The following METTL15 variants were observed in gnomAD, a reference collection of about 807,000 sequenced individuals.
METTL15 encodes methyltransferase 15, mitochondrial 12S rRNA N4-cytidine, also known as 12S rRNA N(4)-cytidine methyltransferase METTL15.
In METTL15, 34 loss-of-function variants were observed where a neutral mutation model predicts 38.3. The ratio of observed to expected loss-of-function variants is 0.89; its 90% CI spans 0.68 to 1.18. METTL15 has a LOEUF of 1.18. METTL15 is among the 50% of genes most tolerant of loss of function. The pLI, the probability that METTL15 is intolerant of heterozygous loss-of-function variation, is 0.00. For missense variants in METTL15, 438 were observed against 498.4 expected, an observed-to-expected ratio of 0.88 and a Z score of 1.15; for synonymous variants, 162 against 170.9, an observed-to-expected ratio of 0.95 and a Z score of 0.41.
intron 5 of METTL15, among the ~76,000 whole-genome samples, chr11:28,421,768 A>G (rs1182611943): frequency 6.6e-6 from 1 of 152,000 alleles, no homozygotes; most frequent in Non-Finnish European, 1.5e-5. Flanking sequence ...CCTTTCCTCC[A>G]AGATCTTGAA....
intron 3 of METTL15, chr11:28,164,067 G>A (rs1262917119): frequency 6.6e-6 from 1 of 151,910 alleles, no homozygotes; most frequent in Non-Finnish European, 1.5e-5. Flanking sequence ...CACATGTATA[G>A]CTCTTTAAAT....
chr11:28,287,115 C>CAT (rs1856300748), intron 4 of METTL15: 1 of 157,842 alleles, frequency 6.3e-6, no homozygotes, highest in Non-Finnish European at 1.4e-5. Context: ...ATATATAACC[C>CAT]ATATATATAC....
chr11:28,285,057 G>A (rs899664486), intron 4 of METTL15, among the ~76,000 whole-genome samples: 1 of 152,036 alleles, frequency 6.6e-6, no homozygotes, highest in Admixed American at 6.6e-5. Flanking sequence ...TATGCATCTG[G>A]CATCTCCCAG....
chr11:28,288,922 T>C (rs11030271), intron 4 of METTL15, among the ~76,000 whole-genome samples: 15,740 of 152,072 alleles, frequency 0.1, 1,477 homozygotes, highest in East Asian at 0.36. Flanking sequence ...TTGGAATCCC[T>C]CTCTCACCAA....
At chr11:28,357,808 G>A (rs943733603) in intron 4 of METTL15, among the ~76,000 whole-genome samples, 6 of 151,992 alleles carry the variant, frequency 3.9e-5, no homozygotes, top group Admixed American at 1.3e-4. Context: ...GGATTGCCTT[G>A]GGTTTAGTAT....
chr11:28,496,147 A>C (rs1851533848), intron 6 of METTL15, among the ~76,000 whole-genome samples: 1 of 152,252 alleles, frequency 6.6e-6, no homozygotes, highest in Non-Finnish European at 1.5e-5. Context: ...GTTAATTTAC[A>C]AAAGAAAAAG....
At position 28,316,500 on chromosome 11, in the gene METTL15, G is replaced by A. The variant is rs1857485549; in HGVS notation, c.779-13896G>A. Among the ~76,000 whole-genome samples the A allele has an allele frequency of 2.0e-5, 3 of 152,208 alleles. No individual in the cohort carries two copies. The South Asian group carries it at 6.2e-4, about 32-fold the overall frequency. On this transcript the variant is annotated intron_variant, in intron 6 of 6. Coordinates refer to ENST00000407364, the MANE Select transcript of METTL15 (RefSeq NM_001113528.2). ...GGACTTAACTTGCCTTGTCTCAGATGAGACATTGGACTGCAGACTTTTGAG... is the reference window on the plus strand; with the variant it reads ...GGACTTAACTTGCCTTGTCTCAGATAAGACATTGGACTGCAGACTTTTGAG...
chr11:28,221,293 C>T (rs1039090761), intron 4 of METTL15, among the ~76,000 whole-genome samples: 1 of 152,264 alleles, frequency 6.6e-6, no homozygotes, highest in African/African-American at 2.4e-5. Flanking sequence ...TTTCTCTTCT[C>T]GCTTCATTTC....
intron 3 of METTL15, among the ~76,000 whole-genome samples, chr11:28,185,454 A>G (rs910066790): frequency 1.3e-5 from 2 of 151,486 alleles, no homozygotes; most frequent in African/African-American, 4.8e-5. Context: ...AATAAAAGTT[A>G]TCTTTTAGAA....
chr11:28,283,659 A>T (rs1034298927), intron 4 of METTL15, among the ~76,000 whole-genome samples: 1 of 152,206 alleles, frequency 6.6e-6, no homozygotes, highest in Non-Finnish European at 1.5e-5. Flanking sequence ...CAGTATCAGG[A>T]TTAACAATAC....
chr11:28,128,634 C>T (rs931544783), intron 3 of METTL15, among the ~76,000 whole-genome samples: 19 of 152,026 alleles, frequency 1.2e-4, no homozygotes, highest in Admixed American at 2.6e-4. Context: ...CAATGTTTTG[C>T]GTAAAAGTTG....
chr11:28,283,514 C>A (rs1184231029), intron 4 of METTL15, among the ~76,000 whole-genome samples: 1 of 152,156 alleles, frequency 6.6e-6, no homozygotes, highest in African/African-American at 2.4e-5. Context: ...GTCCATGTTC[C>A]ATGTTCAATT....
rs187023935 is a variant in METTL15 at position 28,198,730 on chromosome 11, G to A, written c.271-12332G>A. Among the ~76,000 whole-genome samples, 96 of 152,196 alleles carry A rather than the reference G, an allele frequency of 6.3e-4. 1 individual carries two copies. In the Middle Eastern group the frequency reaches 0.027, roughly 43 times the overall value. On this transcript the variant is annotated intron_variant, in intron 3 of 6. Coordinates refer to ENST00000407364, the MANE Select transcript of METTL15 (RefSeq NM_001113528.2). ...AATCAAGGGTTTTGGTAGGAGAAAT[G>A]TTTGTTAAAAAATGTTAGCTAACTA...
At chr11:28,466,539 C>T (rs1483365138) in intron 6 of METTL15, among the ~76,000 whole-genome samples, 1 of 152,136 alleles carries the variant, frequency 6.6e-6, no homozygotes, top group Non-Finnish European at 1.5e-5. Flanking sequence ...GTGCAGTTCT[C>T]ACAGTTAAGA....
intron 5 of METTL15, among the ~76,000 whole-genome samples, chr11:28,370,302 A>ACGTG (rs1850229722): frequency 9.5e-6 from 1 of 105,234 alleles, no homozygotes; most frequent in African/African-American, 2.8e-5. Context: ...ATGAGTGAGA[A>ACGTG]CATGCAATAT....
chr11:28,198,269 GT>G (rs1277870346), intron 3 of METTL15, among the ~76,000 whole-genome samples: 10 of 152,040 alleles, frequency 6.6e-5, no homozygotes, highest in African/African-American at 2.4e-4. Flanking sequence ...TTAAGTGACA[GT>G]TCTGTTGTAC....
chr11:28,447,195 G>T (rs893472664), intron 6 of METTL15, among the ~76,000 whole-genome samples: 1 of 151,912 alleles, frequency 6.6e-6, no homozygotes, highest in Non-Finnish European at 1.5e-5. Flanking sequence ...AGCATCTTAG[G>T]CTGTTTAATG....
rs1439993074 is a variant in METTL15 at position 28,122,331 on chromosome 11, ATATG to A, written c.270+8729_270+8732del. The stretch of plus-strand genomic sequence containing the variant: ...CAAATCCTAGTATATAGATGTGTGT[ATATG>A]TGTGTGTGTGTGTGTGTGTGTGTGT... On this transcript the variant is annotated intron_variant, in intron 3 of 6. Coordinates refer to ENST00000407364, the MANE Select transcript of METTL15 (RefSeq NM_001113528.2). Among the ~76,000 whole-genome samples the A allele has an allele frequency of 3.9e-4, 25 of 64,712 alleles. 1 individual carries two copies. The South Asian group carries it at 0.013, about 35-fold the overall frequency. The allele number at this position is 64,712 out of a possible 152,430, so 42.5% of individuals were successfully genotyped here.
chr11:28,310,960 T>TGGTG (rs1857271612), intron 6 of METTL15, among the ~76,000 whole-genome samples: 8 of 88,518 alleles, frequency 9.0e-5, no homozygotes, highest in African/African-American at 3.4e-4. Context: ...GTGGTGGTGG[T>TGGTG]GGTGGGTGTG....
Sources: gnomAD v4.1 joint callset for allele counts (sites outside exome capture counted in the v4.1 genomes callset) on GRCh38, gnomAD v4.1.1 for gene constraint, MANE v1.5 for transcripts, NCBI Gene and HGNC (gene_info 2026-07-23, HGNC 2026-07-21) for gene names.